MICALL2: variants seen among roughly 807,000 people sequenced by gnomAD.
MICALL2 encodes MICAL like 2, also known as MICAL-like protein 2.
Under a neutral mutation model 91.1 loss-of-function variants are expected in MICALL2, and 111 were observed. The ratio of observed to expected loss-of-function variants is 1.22; its 90% CI spans 1.04 to 1.43. The LOEUF is 1.43. MICALL2 is among the 40% of genes most tolerant of loss of function. The pLI is 0.00. For missense variants in MICALL2, 1,556 were observed against 1,236.0 expected (o/e 1.26, Z -3.88); for synonymous variants, 694 against 525.3 (o/e 1.32, Z -4.39).
At position 1,436,247 on chromosome 7, in the gene MICALL2, C is replaced by A. The variant is rs561211241; in HGVS notation, c.2591+495G>T. On this transcript the variant is annotated intron_variant, in intron 15 of 16. Transcript: ENST00000297508. Reference sequence around the variant, plus strand: ...TCTACCAAAAATACAAAAAATTAGCCGGGCATGGTGGTGCGAGCTTGCTAC... The same window carrying A: ...TCTACCAAAAATACAAAAAATTAGCAGGGCATGGTGGTGCGAGCTTGCTAC... 3.3e-5 allele frequency among the ~76,000 whole-genome samples: 5 copies of A among 151,706 alleles called. No homozygotes were observed. The South Asian group carries it at 1.0e-3, about 32-fold the overall frequency.
Position 1,445,087 on chromosome 7 carries a change from G to A in MICALL2, c.983C>T (p.Ala328Val), listed in dbSNP as rs1452348288. 2 of 1,551,520 alleles carry A rather than the reference G, an allele frequency of 1.3e-6. No homozygotes were observed. The highest frequency in any genetic ancestry group is 1.4e-5 in the African/African-American group (1 of 73,330). ...GACTTTCCCCTCCGTGGGAGTGGGG[G>A]CCAGGCGGCTCTCAGAGGGCCTGGC... ...SPARPSESRLAPTPTEGKVRP... is the reference protein window; with the variant it reads ...SPARPSESRLVPTPTEGKVRP... Residue 328 changes from alanine to valine, a missense_variant, in exon 6 of 17, where the codon GCC becomes GTC. Coordinates refer to ENST00000297508, the MANE Select transcript of MICALL2 (RefSeq NM_182924.4).
In MICALL2 at chr7:1,440,026, C is replaced by T; in HGVS notation, c.1865G>A (p.Arg622Lys). The T allele has an allele frequency of 6.3e-7, 1 of 1,577,344 alleles. No homozygotes were observed. The highest frequency in any genetic ancestry group is 2.4e-5 in the East Asian group (1 of 41,944). The change falls in exon 9 of 17, where the codon AGG becomes AAG. Residue 622 changes from arginine to lysine, a missense_variant. Coordinates refer to ENST00000297508, the MANE Select transcript of MICALL2 (RefSeq NM_182924.4). ...LAEPRAGEAP[R>K]KVSGSFAGSV... ...CCCAGCAAAGCTGCCTGAGACCTTCCTGGGGGCCTCCCCCGCCCTCGGCTC... is the reference window on the plus strand; with the variant it reads ...CCCAGCAAAGCTGCCTGAGACCTTCTTGGGGGCCTCCCCCGCCCTCGGCTC...
At chr7:1,436,932 C>G (rs1410964020) in intron 14 of MICALL2, 76 bp from the exon 15 acceptor site, 7 of 1,098,964 alleles carry the variant, frequency 6.4e-6, no homozygotes, top group Non-Finnish European at 8.7e-6. Context: ...TCCCCACCAC[C>G]CAAGCGCCAG....
At chr7:1,438,749 G>A (rs1442983049) in intron 10 of MICALL2, 91 bp downstream of exon 10, 8 of 1,511,034 alleles carry the variant, frequency 5.3e-6, no homozygotes, top group East Asian at 2.3e-5. Flanking sequence ...TCCTGTGAAT[G>A]CATCCTCCAA....
chr7:1,436,590 G>A (rs1427443265), intron 15 of MICALL2, 152 bp downstream of exon 15: 10 of 409,630 alleles, frequency 2.4e-5, no homozygotes, highest in African/African-American at 1.3e-4. Flanking sequence ...AGTCCCCGAT[G>A]GCCACATGTG....
rs267601382 is a variant in MICALL2, at chr7:1,434,568, C to T, written c.*28G>A. 21 of 1,584,858 alleles carry T rather than the reference C, an allele frequency of 1.3e-5. No homozygotes were observed. The East Asian group carries it at 2.2e-4, about 17-fold the overall frequency. The stretch of plus-strand genomic sequence containing the variant: ...CGAGTCCAAGTCCGGATGCCAGGTC[C>T]GGGCCGAGCCCACGGCCCTACTGGC... On this transcript the variant is annotated 3_prime_UTR_variant, in exon 17 of 17. Transcript: ENST00000297508.
Position 1,445,090 on chromosome 7 carries a change from A to G in MICALL2, c.980T>C (p.Leu327Pro), listed in dbSNP as rs753518712. The change falls in exon 6 of 17, where the codon CTG (leucine) becomes CCG (proline). Residue 327 changes from leucine (L) to proline (P), a missense_variant. Coordinates refer to ENST00000297508, the MANE Select transcript of MICALL2 (RefSeq NM_182924.4). ...RSPARPSESR[L>P]APTPTEGKVR... is the part of the protein sequence containing the mutation. Reference sequence around the variant, plus strand: ...TTTCCCCTCCGTGGGAGTGGGGGCCAGGCGGCTCTCAGAGGGCCTGGCTGG... The same window carrying G: ...TTTCCCCTCCGTGGGAGTGGGGGCCGGGCGGCTCTCAGAGGGCCTGGCTGG... 8 of 1,551,880 alleles carry G rather than the reference A, an allele frequency of 5.2e-6. No individual in the cohort carries two copies. The highest frequency in any genetic ancestry group is 7.0e-6 in the Non-Finnish European group (8 of 1,148,490).
chr7:1,438,756 C>T lies in MICALL2; in HGVS notation c.2122+84G>A, dbSNP rs538004373. 37 of 1,519,048 alleles carry T rather than the reference C, an allele frequency of 2.4e-5. No individual in the cohort carries two copies. In the South Asian group the frequency reaches 4.3e-4, roughly 18 times the overall value. 94.1% of individuals were successfully genotyped at this position (1,519,048 alleles called of 1,614,324 possible). Reference sequence around the variant, plus strand: ...ATTCTAGGTCCTGTGAATGCATCCTCCAAAGCCCCAGCAGGCATTGCCTCC... The same window carrying T: ...ATTCTAGGTCCTGTGAATGCATCCTTCAAAGCCCCAGCAGGCATTGCCTCC... On this transcript the variant is annotated intron_variant, in intron 10 of 16. Coordinates refer to ENST00000297508, the MANE Select transcript of MICALL2 (RefSeq NM_182924.4).
At chr7:1,456,006 G>T (rs1584237934) in intron 1 of MICALL2, among the ~76,000 whole-genome samples, 1 of 151,874 alleles carries the variant, frequency 6.6e-6, no homozygotes, top group South Asian at 2.1e-4. Flanking sequence ...GGACAGGAGG[G>T]ACAGCCAAGG....
chr7:1,434,980 T>TGGGCCC, intron 16 of MICALL2, 121 bp downstream of exon 16: 1 of 628,930 alleles, frequency 1.6e-6, no homozygotes. Context: ...GGGGACCCGA[T>TGGGCCC]ACCCGCCCCC....
chr7:1,435,305 G>A (rs1337932057), intron 15 of MICALL2, among the ~76,000 whole-genome samples, 158 bp from the exon 16 acceptor site: 5 of 152,182 alleles, frequency 3.3e-5, no homozygotes, highest in Admixed American at 1.3e-4. Context: ...TTGGAACCCT[G>A]CCCCCACCAA....
rs1379734889 is a variant in MICALL2 at position 1,442,266 on chromosome 7, CCGACCCCTGA to C, written c.1627_1636del (p.Ser543AlafsTer23). On this transcript the variant is annotated frameshift_variant, in exon 7 of 17. Coordinates refer to ENST00000297508, the MANE Select transcript of MICALL2 (RefSeq NM_182924.4). LOFTEE classifies it high-confidence loss of function. ...CGGCCTGGAGCCAGCACCCACCCTGCCGACCCCTGAGGATTCCGCCAAGTTCCTCCTGCCT... is the reference window on the plus strand; with the variant it reads ...CGGCCTGGAGCCAGCACCCACCCTGCGGATTCCGCCAAGTTCCTCCTGCCT... The C allele has an allele frequency of 6.2e-7, 1 of 1,612,912 alleles. No homozygotes were observed. Among genetic ancestry groups the C allele is most frequent in the Admixed American group, 1.7e-5 (1 of 60,006 alleles).
chr7:1,444,079 C>T (rs1308922575), intron 6 of MICALL2, among the ~76,000 whole-genome samples: 3 of 94,148 alleles, frequency 3.2e-5, no homozygotes, highest in South Asian at 9.7e-4. Flanking sequence ...GACCTGTCCC[C>T]GCGTCCACTC....
Position 1,440,061 on chromosome 7 carries a change from C to T in MICALL2, c.1830G>A (p.Arg610=), listed in dbSNP as rs768411833. 3 of 1,587,876 alleles carry T rather than the reference C, an allele frequency of 1.9e-6. No homozygotes were observed. Among genetic ancestry groups the T allele is most frequent in the East Asian group, 2.4e-5 (1 of 42,382 alleles). ...AERTLKPKEP[R]ALAEPRAGEA... is the part of the protein sequence containing the mutation. ...CCCCCGCCCTCGGCTCTGCCAGGGC[C>T]CGTGGTTCCTTGGGCTTCAGAGTCC... The change falls in exon 9 of 17, where the codon CGG becomes CGA. Residue 610 remains arginine, a synonymous_variant. Coordinates refer to ENST00000297508, the MANE Select transcript of MICALL2 (RefSeq NM_182924.4).
Position 1,448,603 on chromosome 7 carries a change from G to T in MICALL2, c.334+17C>A. ...GGCCTGGTCCTGCCTGGCTCGGCGG[G>T]CGCGGCAGGGACTCACTGGGGGAGC... On this transcript the variant is annotated intron_variant, in intron 3 of 16. Coordinates refer to ENST00000297508, the MANE Select transcript of MICALL2 (RefSeq NM_182924.4). 1 of 1,612,192 alleles carries T rather than the reference G, an allele frequency of 6.2e-7. No individual in the cohort carries two copies.
At chr7:1,436,693 C>T (rs766360307) in intron 15 of MICALL2, 49 bp downstream of exon 15, 9 of 1,452,910 alleles carry the variant, frequency 6.2e-6, no homozygotes, top group Non-Finnish European at 1.9e-6. Context: ...GGAGCATGGA[C>T]CAGGCGACCT....
At chr7:1,443,835 T>C (rs908901248) in intron 6 of MICALL2, among the ~76,000 whole-genome samples, 12 of 152,212 alleles carry the variant, frequency 7.9e-5, no homozygotes, top group Non-Finnish European at 1.3e-4. Flanking sequence ...GGTGGATTTC[T>C]ACTGTGTAAG....
rs1049000062 is a variant in MICALL2, at chr7:1,436,360, C to A, written c.2591+382G>T. 4.7e-5 allele frequency among the ~76,000 whole-genome samples: 7 copies of A among 147,944 alleles called. No homozygotes were observed. The South Asian group carries it at 1.1e-3, about 23-fold the overall frequency. On this transcript the variant is annotated intron_variant, in intron 15 of 16. Transcript: ENST00000297508. ...TCGCACCACTACACTCCAGCCTGGG[C>A]AACAGGAGGGAAACTTCGTCTCAAA...
At position 1,440,040 on chromosome 7, in the gene MICALL2, C is replaced by T. The variant is rs181284121; in HGVS notation, c.1851G>A (p.Ala617=). The part of the protein sequence containing the change: ...KEPRALAEPR[A]GEAPRKVSGS... ...CTGAGACCTTCCTGGGGGCCTCCCCCGCCCTCGGCTCTGCCAGGGCCCGTG... is the reference window on the plus strand; with the variant it reads ...CTGAGACCTTCCTGGGGGCCTCCCCTGCCCTCGGCTCTGCCAGGGCCCGTG... Residue 617 remains alanine, a synonymous_variant, in exon 9 of 17, where the codon GCG becomes GCA. Coordinates refer to ENST00000297508, the MANE Select transcript of MICALL2 (RefSeq NM_182924.4). The T allele has an allele frequency of 2.1e-5, 34 of 1,583,008 alleles. No homozygotes were observed. Among genetic ancestry groups the T allele is most frequent in the East Asian group, 9.5e-5 (4 of 42,122 alleles).
Sources: gnomAD v4.1 joint callset for allele counts (sites outside exome capture counted in the v4.1 genomes callset) on GRCh38, gnomAD v4.1.1 for gene constraint, MANE v1.5 for transcripts, NCBI Gene and HGNC (gene_info 2026-07-23, HGNC 2026-07-21) for gene names.